ANKRD55: variants seen among roughly 807,000 people sequenced by gnomAD.
ANKRD55 encodes the protein ankyrin repeat domain-containing protein 55.
A neutral mutation model predicts 60.6 loss-of-function variants in ANKRD55; 41 were observed. The observed-to-expected ratio is 0.68, with a 90% CI of 0.53 to 0.88. ANKRD55 has a LOEUF of 0.88. Ranked by LOEUF, ANKRD55 falls within the 40% of genes least tolerant of loss-of-function variation. ANKRD55 has a pLI of 0.00. For synonymous variants in ANKRD55, 264 were observed against 290.3 expected (o/e 0.91, Z 0.92); for missense variants, 732 against 767.6 (o/e 0.95, Z 0.55).
intron 2 of ANKRD55, chr5:56,193,399 T>C: frequency 1.6e-6 from 1 of 628,362 alleles, no homozygotes; most frequent in Middle Eastern, 3.0e-4. Context: ...TAGAACCTTT[T>C]GGTACTGGAA....
At chr5:56,161,464 G>C (rs1580992375) in intron 5 of ANKRD55, among the ~76,000 whole-genome samples, 1 of 152,146 alleles carries the variant, frequency 6.6e-6, no homozygotes, top group South Asian at 2.1e-4. Context: ...GACATCTAAA[G>C]CCCTAAGTAT....
chr5:56,141,834 A>C (rs558265540), intron 7 of ANKRD55, among the ~76,000 whole-genome samples: 4 of 152,358 alleles, frequency 2.6e-5, no homozygotes, highest in Non-Finnish European at 4.4e-5. Context: ...TCGTCCAATT[A>C]CATAGTACGT....
At chr5:56,193,245 CACAT>C in intron 2 of ANKRD55, 1 of 1,058,798 alleles carries the variant, frequency 9.4e-7, no homozygotes, top group Middle Eastern at 3.3e-4. Context: ...AGACAAGTGT[CACAT>C]AGTTCCTCCA....
chr5:56,166,099 T>TTTC (rs1758449113), intron 5 of ANKRD55, among the ~76,000 whole-genome samples: 3 of 38,084 alleles, frequency 7.9e-5, no homozygotes, highest in Non-Finnish European at 1.9e-4. Context: ...TCTTTCTTTC[T>TTTC]TTCTTTCTTT....
chr5:56,182,261 AT>A (rs1298988870), intron 3 of ANKRD55, among the ~76,000 whole-genome samples: 1 of 152,002 alleles, frequency 6.6e-6, no homozygotes, highest in Non-Finnish European at 1.5e-5. Context: ...TATGAAGTCA[AT>A]TTCCTAATTA....
chr5:56,163,387 G>A (rs2111799268), intron 5 of ANKRD55, among the ~76,000 whole-genome samples: 1 of 152,248 alleles, frequency 6.6e-6, no homozygotes, highest in East Asian at 1.9e-4. Flanking sequence ...TAGATGATTT[G>A]CAGCCCTCTG....
In ANKRD55 at chr5:56,135,294, G is replaced by GCCTT. The variant is rs1757546881; in HGVS notation, c.613-8189_613-8188insAAGG. Among the ~76,000 whole-genome samples, 35 of 84,462 alleles carry GCCTT rather than the reference G, an allele frequency of 4.1e-4. 1 individual carries two copies. The highest frequency in any genetic ancestry group is 5.8e-3 in the Middle Eastern group (1 of 172). 55.4% of individuals were successfully genotyped at this position (84,462 alleles called of 152,430 possible). A position where few individuals can be genotyped will look rare whatever the true frequency, so the allele number is the denominator to read the frequency against. On this transcript the variant is annotated intron_variant, in intron 7 of 11. Coordinates refer to ENST00000341048, the MANE Select transcript of ANKRD55 (RefSeq NM_024669.3). The stretch of plus-strand genomic sequence containing the variant: ...TCCCTCCCTCCCTGCCTGCCTGCTT[G>GCCTT]CTTTCTTTCTTTCTTTCTTTCTTTC...
intron 11 of ANKRD55, 70 bp downstream of exon 11, chr5:56,102,424 A>C: frequency 1.7e-6 from 2 of 1,149,376 alleles, no homozygotes; most frequent in South Asian, 2.8e-5. Flanking sequence ...AGTAAACGGA[A>C]ATAACATTTA....
At chr5:56,177,391 T>C (rs898218174) in intron 3 of ANKRD55, among the ~76,000 whole-genome samples, 1 of 152,100 alleles carries the variant, frequency 6.6e-6, no homozygotes, top group African/African-American at 2.4e-5. Flanking sequence ...CAAGTGGTAA[T>C]TATAACTATT....
intron 2 of ANKRD55, among the ~76,000 whole-genome samples, chr5:56,202,054 A>G (rs534862752): frequency 6.6e-6 from 1 of 152,324 alleles, no homozygotes; most frequent in East Asian, 1.9e-4. Flanking sequence ...ACAGAAAACC[A>G]AACACCACGT....
At chr5:56,215,507 A>G (rs1759782105) in intron 2 of ANKRD55, among the ~76,000 whole-genome samples, 1 of 152,224 alleles carries the variant, frequency 6.6e-6, no homozygotes, top group Non-Finnish European at 1.5e-5. Context: ...ACCTTGAGCA[A>G]ATCACAGAGG....
At chr5:56,221,097 C>A (rs1199418781) in intron 2 of ANKRD55, among the ~76,000 whole-genome samples, 1 of 152,170 alleles carries the variant, frequency 6.6e-6, no homozygotes, top group East Asian at 1.9e-4. Context: ...TTACTCCAGG[C>A]TCCCATTCAA....
chr5:56,174,722 C>T (rs1758700057), intron 4 of ANKRD55, among the ~76,000 whole-genome samples: 1 of 151,784 alleles, frequency 6.6e-6, no homozygotes, highest in South Asian at 2.1e-4. Context: ...GTCCCAGCTA[C>T]CTGGGAGGCT....
At chr5:56,178,389 G>A (rs1758783244) in intron 3 of ANKRD55, among the ~76,000 whole-genome samples, 1 of 151,240 alleles carries the variant, frequency 6.6e-6, no homozygotes, top group East Asian at 1.9e-4. Flanking sequence ...ATTTTCCTGA[G>A]GTGTCTCTAA....
intron 10 of ANKRD55, among the ~76,000 whole-genome samples, chr5:56,108,581 T>G (rs1031690121): frequency 6.6e-6 from 1 of 152,210 alleles, no homozygotes; most frequent in Non-Finnish European, 1.5e-5. Flanking sequence ...ATCCTGTGCC[T>G]AAATATGTAT....
intron 8 of ANKRD55, among the ~76,000 whole-genome samples, chr5:56,119,084 TA>T (rs1464449084): frequency 6.6e-6 from 1 of 152,152 alleles, no homozygotes. Flanking sequence ...GCTGGAGAAA[TA>T]AAAACTTACA....
chr5:56,184,572 G>A (rs915454168), intron 2 of ANKRD55, among the ~76,000 whole-genome samples: 5 of 152,174 alleles, frequency 3.3e-5, no homozygotes, highest in Admixed American at 1.3e-4. Flanking sequence ...ATTATGCCTT[G>A]TGCATGCCTG....
chr5:56,142,296 T>C (rs980715587), intron 7 of ANKRD55, among the ~76,000 whole-genome samples: 1 of 152,258 alleles, frequency 6.6e-6, no homozygotes, highest in African/African-American at 2.4e-5. Flanking sequence ...ATCGCACCAC[T>C]GCACTCTGGC....
At position 56,126,921 on chromosome 5, in the gene ANKRD55, C is replaced by G; in HGVS notation, c.797+1G>C. On this transcript the variant is annotated splice_donor_variant, in intron 8 of 11. Coordinates refer to ENST00000341048, the MANE Select transcript of ANKRD55 (RefSeq NM_024669.3). LOFTEE classifies it high-confidence loss of function. ...CAGCACTTTCTGGTTACCATGGATA[C>G]CTGTCATCCACATCCAGAGCCTGCA... 1 of 1,600,814 alleles carries G rather than the reference C, an allele frequency of 6.2e-7. No homozygotes were observed. The highest frequency in any genetic ancestry group is 8.5e-7 in the Non-Finnish European group (1 of 1,172,904).
Sources: allele counts gnomAD v4.1 joint callset (sites outside exome capture counted in the v4.1 genomes callset), GRCh38; gene constraint gnomAD v4.1.1; transcripts MANE v1.5; gene names NCBI Gene and HGNC (gene_info 2026-07-23, HGNC 2026-07-21).